The following USP26 variants were observed in gnomAD, a reference collection of about 807,000 sequenced individuals.
The protein encoded by USP26 is ubiquitin specific peptidase 26.
For missense variants in USP26, 649 were observed against 642.3 expected (o/e 1.01, Z -0.11); for synonymous variants, 236 against 240.6 (o/e 0.98, Z 0.18).
chrX:133,037,467 T>C (rs2067399986), intron 5 of USP26, among the ~76,000 whole-genome samples: 2 of 111,806 alleles, frequency 1.8e-5, no homozygotes, highest in Non-Finnish European at 3.8e-5. Context: ...TCAGGTTTGG[T>C]GAAGATCAGA....
intron 5 of USP26, among the ~76,000 whole-genome samples, chrX:133,046,179 A>G (rs1041084645): frequency 8.9e-6 from 1 of 111,778 alleles, no homozygotes; most frequent in African/African-American, 3.3e-5. Flanking sequence ...GTTTGGCCTC[A>G]CACGACACAA....
intron 5 of USP26, among the ~76,000 whole-genome samples, chrX:133,038,919 G>A (rs752153301): frequency 2.7e-4 from 30 of 111,543 alleles, no homozygotes; most frequent in Non-Finnish European, 3.2e-4. Flanking sequence ...GAATGTATCC[G>A]TTTCTTCTAG....
intron 5 of USP26, among the ~76,000 whole-genome samples, chrX:133,080,660 T>C (rs890182151): frequency 9.0e-6 from 1 of 111,225 alleles, no homozygotes. Context: ...GCAAAACCTA[T>C]ACCAGCTCAG....
chrX:133,053,943 A>G (rs1158643802), intron 5 of USP26, among the ~76,000 whole-genome samples: 1 of 111,816 alleles, frequency 8.9e-6, no homozygotes, highest in Non-Finnish European at 1.9e-5. Context: ...TCATTAAGTG[A>G]AAGGCTGGGA....
intron 5 of USP26, among the ~76,000 whole-genome samples, chrX:133,059,884 G>A (rs746414629): frequency 1.8e-5 from 2 of 111,889 alleles, no homozygotes; most frequent in Non-Finnish European, 3.8e-5. Context: ...TCAGACTTAC[G>A]ATACAAGAAA....
Position 133,027,227 on chromosome X carries a change from T to C in USP26, c.994A>G (p.Lys332Glu). 8.3e-7 allele frequency: 1 copy of C among 1,210,837 alleles called. No homozygotes were observed. The change falls in exon 6 of 6, where the codon AAA becomes GAA. Residue 332 changes from lysine to glutamate, a missense_variant. Physicochemically the swap from Lys to Glu is moderately conservative, Grantham distance 56. Transcript: ENST00000511190. ...ATGGTAAGAGCATTAAGGGGAATTT[T>C]ACCCCATGGGAAACTCTGATTAAGT... Reference protein sequence around the residue: ...DLLNQSFPWGKIPLNALTMCL... With the variant: ...DLLNQSFPWGEIPLNALTMCL...
At chrX:133,049,356 C>T (rs887164199) in intron 5 of USP26, among the ~76,000 whole-genome samples, 1 of 112,046 alleles carries the variant, frequency 8.9e-6, no homozygotes, top group African/African-American at 3.2e-5. Context: ...CTTTCAATAT[C>T]AGTACATAGA....
intron 5 of USP26, among the ~76,000 whole-genome samples, chrX:133,072,117 G>A (rs1033580588): frequency 2.7e-5 from 3 of 112,019 alleles, no homozygotes; most frequent in African/African-American, 9.7e-5. Flanking sequence ...AAAAGTGTAT[G>A]GCTATGTGCA....
intron 5 of USP26, among the ~76,000 whole-genome samples, chrX:133,030,194 C>T (rs2067371262): frequency 1.8e-5 from 2 of 111,114 alleles, no homozygotes; most frequent in Non-Finnish European, 3.8e-5. Context: ...CTCATTTTAC[C>T]TACAAATTCA....
intron 5 of USP26, among the ~76,000 whole-genome samples, chrX:133,030,753 A>T (rs781589506): frequency 4.4e-5 from 5 of 112,453 alleles, no homozygotes; most frequent in Non-Finnish European, 9.4e-5. Flanking sequence ...GCATTTCTCA[A>T]TCCCAAAGTG....
At position 133,026,363 on chromosome X, in the gene USP26, C is replaced by T; in HGVS notation, c.1858G>A (p.Ala620Thr). The stretch of plus-strand genomic sequence containing the variant: ...TACTTTTGCTGCTGTCTTCTGCTTG[C>T]CCCTTTAAAGACTGTCTGGCCTTTT... ...QKKGQTVFKG[A>T]SRRQQQKYLG... The change falls in exon 6 of 6, where the codon GCA (alanine) becomes ACA (threonine). Residue 620 changes from alanine (A) to threonine (T), a missense_variant. Ala to Thr is a moderately conservative substitution (Grantham distance 58). Coordinates refer to ENST00000511190, the MANE Select transcript of USP26 (RefSeq NM_031907.3). 1 of 1,206,027 alleles carries T rather than the reference C, an allele frequency of 8.3e-7. No individual in the cohort carries two copies. The highest frequency in any genetic ancestry group is 1.1e-6 in the Non-Finnish European group (1 of 894,176).
At chrX:133,076,171 A>G (rs1022269671) in intron 5 of USP26, among the ~76,000 whole-genome samples, 2 of 111,423 alleles carry the variant, frequency 1.8e-5, no homozygotes, top group African/African-American at 3.3e-5. Context: ...TGCAGTCTCT[A>G]GGGAAAACCA....
At chrX:133,040,805 C>T (rs111368646) in intron 5 of USP26, among the ~76,000 whole-genome samples, 3,820 of 111,268 alleles carry the variant, frequency 0.034, 98 homozygotes, top group East Asian at 0.1. Context: ...TGGTTCCATT[C>T]TCCCTGTCAC....
chrX:133,066,625 G>A (rs1361101048), intron 5 of USP26, among the ~76,000 whole-genome samples: 1 of 111,965 alleles, frequency 8.9e-6, no homozygotes, highest in Admixed American at 9.5e-5. Context: ...AATGGGGAAA[G>A]CATTCCCTAT....
intron 4 of USP26, among the ~76,000 whole-genome samples, chrX:133,089,759 T>C (rs139486400): frequency 0.018 from 2,063 of 112,021 alleles, 30 homozygotes; most frequent in Non-Finnish European, 0.028. Flanking sequence ...AACATTCTGA[T>C]AGCAAAGAAG....
chrX:133,088,747 A>G (rs989341139), intron 4 of USP26, among the ~76,000 whole-genome samples: 5 of 112,190 alleles, frequency 4.5e-5, no homozygotes, highest in African/African-American at 1.6e-4. Context: ...GCCAATACTT[A>G]GAGAAACTAC....
chrX:133,027,539 C>G lies in USP26; in HGVS notation c.682G>C (p.Glu228Gln), dbSNP rs777429748. The change falls in exon 6 of 6, where the codon GAA (glutamate) becomes CAA (glutamine). Residue 228 changes from glutamate to glutamine, a missense_variant. Physicochemically the swap from Glu to Gln is conservative, Grantham distance 29. Coordinates refer to ENST00000511190, the MANE Select transcript of USP26 (RefSeq NM_031907.3). ...TCACATTCCAATTTCTTATTCTCTT[C>G]TAACTCTTTTAACTTCAATTGTTTC... ...REKQLKLKELEENKKLECESS... is the reference protein window; with the variant it reads ...REKQLKLKELQENKKLECESS... 3.2e-5 allele frequency: 39 copies of G among 1,208,702 alleles called. No individual in the cohort carries two copies. In the South Asian group the frequency reaches 6.5e-4, roughly 20 times the overall value.
At chrX:133,073,226 T>C (rs770420856) in intron 5 of USP26, among the ~76,000 whole-genome samples, 22 of 108,674 alleles carry the variant, frequency 2.0e-4, no homozygotes, top group African/African-American at 7.4e-4. Flanking sequence ...AGCAAAATAA[T>C]GAGTTATTAA....
chrX:133,058,921 C>T (rs2148532061), intron 5 of USP26, among the ~76,000 whole-genome samples: 1 of 111,211 alleles, frequency 9.0e-6, no homozygotes, highest in East Asian at 2.8e-4. Flanking sequence ...TCAAGCAATC[C>T]TCCCACCTCA....
Sources: allele counts gnomAD v4.1 joint callset (sites outside exome capture counted in the v4.1 genomes callset), GRCh38; gene constraint gnomAD v4.1.1; transcripts MANE v1.5; gene names NCBI Gene and HGNC (gene_info 2026-07-23, HGNC 2026-07-21).